NRG3: variants seen among roughly 807,000 people sequenced by gnomAD.
The protein encoded by NRG3 is pro-neuregulin-3, membrane-bound isoform.
NRG3 carries 31 observed loss-of-function variants against 66.9 expected under a neutral mutation model. That is an observed-to-expected ratio of 0.46 (90% CI 0.35 to 0.63). The LOEUF (loss-of-function observed/expected upper bound fraction) is 0.63. NRG3 is among the 20% of genes least tolerant of loss of function. The pLI is 0.00. For missense variants in NRG3, 910 were observed against 878.9 expected (o/e 1.04, Z -0.45); for synonymous variants, 393 against 359.4 (o/e 1.09, Z -1.06).
chr10:82,001,389 G>T (rs537996722), intron 1 of NRG3, among the ~76,000 whole-genome samples: 102 of 152,068 alleles, frequency 6.7e-4, no homozygotes, highest in African/African-American at 2.4e-3. Flanking sequence ...CATAATCCCC[G>T]CTACTTGGGA....
At chr10:82,392,867 T>C (rs2086471038) in intron 2 of NRG3, among the ~76,000 whole-genome samples, 1 of 149,412 alleles carries the variant, frequency 6.7e-6, no homozygotes, top group Admixed American at 6.7e-5. Context: ...CCCATATTGC[T>C]GGAGGTGAGG....
intron 1 of NRG3, among the ~76,000 whole-genome samples, chr10:82,264,920 C>T (rs1449869503): frequency 2.0e-5 from 3 of 152,150 alleles, no homozygotes; most frequent in African/African-American, 7.2e-5. Context: ...CCAGTGAGTA[C>T]AAACAAGTCT....
intron 2 of NRG3, among the ~76,000 whole-genome samples, chr10:82,733,074 C>T (rs2057996198): frequency 6.6e-6 from 1 of 152,132 alleles, no homozygotes; most frequent in African/African-American, 2.4e-5. Context: ...TATAGTTTGT[C>T]TACAACCATT....
chr10:82,089,599 A>G (rs189245327), intron 1 of NRG3, among the ~76,000 whole-genome samples: 70 of 151,358 alleles, frequency 4.6e-4, no homozygotes, highest in African/African-American at 1.7e-3. Flanking sequence ...TGTCATGGCA[A>G]CTCTCAATCC....
chr10:81,972,016 G>T (rs6584425), intron 1 of NRG3, among the ~76,000 whole-genome samples: 15 of 152,006 alleles, frequency 9.9e-5, no homozygotes, highest in Middle Eastern at 6.8e-3. Context: ...CACTCACACT[G>T]GGCCAGGGAT....
chr10:81,964,395 CAAAAAA>C (rs58231167), intron 1 of NRG3, among the ~76,000 whole-genome samples: 1 of 65,848 alleles, frequency 1.5e-5, no homozygotes, highest in African/African-American at 5.1e-5. Context: ...GACTCTGTCT[CAAAAAA>C]AAAAAAAAAA....
At position 82,485,104 on chromosome 10, in the gene NRG3, C is replaced by A. The variant is rs148823070; in HGVS notation, c.953+126236C>A. On this transcript the variant is annotated intron_variant, in intron 2 of 8. Transcript: ENST00000372141. The stretch of plus-strand genomic sequence containing the variant: ...CAATACACCTTGCTCCATGCTAGCA[C>A]GGTTAGACATTGTCTCTGGAATGCT... Among the ~76,000 whole-genome samples, 685 of 152,210 alleles carry A rather than the reference C, an allele frequency of 4.5e-3. 10 individuals are homozygous for A. Among genetic ancestry groups the A allele is most frequent in the African/African-American group, 0.016 (653 of 41,506 alleles).
chr10:82,978,887 G>A, intron 7 of NRG3, 63 bp from the exon 8 acceptor site: 3 of 1,535,626 alleles, frequency 2.0e-6, no homozygotes, highest in Middle Eastern at 2.0e-4. Context: ...GCAGCCACCT[G>A]TGAGGTTATT....
At position 82,928,576 on chromosome 10, in the gene NRG3, A is replaced by C. The variant is rs146750920; in HGVS notation, c.1055-22893A>C. On this transcript the variant is annotated intron_variant, in intron 4 of 8. Transcript: ENST00000372141. ...TGCATATGGCTAGCCAGTTCTCCCA[A>C]CACCATTTATTTTTATCTATTTCAG... Among the ~76,000 whole-genome samples, 469 of 149,236 alleles carry C rather than the reference A, an allele frequency of 3.1e-3. 1 individual carries two copies. Among genetic ancestry groups the C allele is most frequent in the Non-Finnish European group, 5.0e-3 (341 of 67,686 alleles).
chr10:82,712,559 A>G (rs576263062), intron 2 of NRG3, among the ~76,000 whole-genome samples: 24 of 152,184 alleles, frequency 1.6e-4, no homozygotes, highest in Non-Finnish European at 2.8e-4. Flanking sequence ...ATTCCATAAC[A>G]AGTTCTCAGG....
chr10:82,176,880 G>GACACACACACACACACACACACACACAC (rs142443398), intron 1 of NRG3, among the ~76,000 whole-genome samples: 24 of 146,230 alleles, frequency 1.6e-4, no homozygotes, highest in Admixed American at 1.3e-3. Flanking sequence ...TTTAAAACAA[G>GACACACACACACACACACACACACACAC]ACACACACAC....
At chr10:82,453,833 A>G (rs2091145112) in intron 2 of NRG3, among the ~76,000 whole-genome samples, 1 of 152,190 alleles carries the variant, frequency 6.6e-6, no homozygotes, top group African/African-American at 2.4e-5. Flanking sequence ...GTTGAATTTG[A>G]TGATGCTTCT....
chr10:82,236,624 CA>C lies in NRG3; in HGVS notation c.824-122112del, dbSNP rs200075497. On this transcript the variant is annotated intron_variant, in intron 1 of 8. Coordinates refer to ENST00000372141, the MANE Select transcript of NRG3 (RefSeq NM_001010848.4). ...TAGTTTCTCAGTCATCTGTTTAACCCAAACTATGATTTTATTTTCCCTGGTC... is the reference window on the plus strand; with the variant it reads ...TAGTTTCTCAGTCATCTGTTTAACCCAACTATGATTTTATTTTCCCTGGTC... 4.5e-3 allele frequency among the ~76,000 whole-genome samples: 680 copies of C among 151,948 alleles called. 3 individuals carry two copies. The highest frequency in any genetic ancestry group is 0.015 in the African/African-American group (630 of 41,524).
At chr10:82,729,802 A>G (rs1042281596) in intron 2 of NRG3, among the ~76,000 whole-genome samples, 2 of 152,218 alleles carry the variant, frequency 1.3e-5, no homozygotes, top group Non-Finnish European at 2.9e-5. Context: ...TAGCTGCTGG[A>G]CACAAGTCCC....
intron 3 of NRG3, among the ~76,000 whole-genome samples, chr10:82,847,638 A>G (rs559673141): frequency 2.0e-5 from 3 of 152,314 alleles, no homozygotes; most frequent in South Asian, 4.1e-4. Flanking sequence ...AAAAATGTGT[A>G]TATCATGAAT....
chr10:82,819,521 C>T (rs2061855592), intron 3 of NRG3, among the ~76,000 whole-genome samples: 1 of 152,156 alleles, frequency 6.6e-6, no homozygotes, highest in South Asian at 2.1e-4. Flanking sequence ...GATCCTTTGT[C>T]ACCCTAAATG....
intron 2 of NRG3, among the ~76,000 whole-genome samples, chr10:82,445,968 C>G (rs532622110): frequency 6.6e-6 from 1 of 152,334 alleles, no homozygotes; most frequent in South Asian, 2.1e-4. Context: ...CACTCAGATA[C>G]TTAAATGGGG....
intron 1 of NRG3, among the ~76,000 whole-genome samples, chr10:82,331,690 T>C (rs1205502999): frequency 2.0e-5 from 3 of 152,220 alleles, no homozygotes; most frequent in Non-Finnish European, 4.4e-5. Context: ...CTAGAGTCAT[T>C]TTTCCTTAAA....
At chr10:82,367,194 G>A (rs1387517262) in intron 2 of NRG3, among the ~76,000 whole-genome samples, 3 of 152,162 alleles carry the variant, frequency 2.0e-5, no homozygotes, top group East Asian at 1.9e-4. Flanking sequence ...TTTACCAGCT[G>A]TAAAATGGGG....
Sources: gnomAD v4.1 joint callset for allele counts (sites outside exome capture counted in the v4.1 genomes callset) on GRCh38, gnomAD v4.1.1 for gene constraint, MANE v1.5 for transcripts, NCBI Gene and HGNC (gene_info 2026-07-23, HGNC 2026-07-21) for gene names.